The following KLHL29 variants were observed in gnomAD, a reference collection of about 807,000 sequenced individuals.
KLHL29 encodes the protein kelch like family member 29.
KLHL29 carries 21 observed loss-of-function variants against 80.4 expected under a neutral mutation model. The observed-to-expected ratio is 0.26, with a 90% CI of 0.19 to 0.38. KLHL29 has a LOEUF of 0.38. KLHL29 is among the 10% of genes least tolerant of loss of function. The probability of loss-of-function intolerance (pLI) is 1.00; values close to 1 mark genes in which losing one functional copy is unlikely to be tolerated. For synonymous variants in KLHL29, 511 were observed against 526.8 expected (o/e 0.97, Z 0.41); for missense variants, 867 against 1,223.9 (o/e 0.71, Z 4.35).
intron 3 of KLHL29, among the ~76,000 whole-genome samples, chr2:23,630,256 G>A (rs1035628288): frequency 1.5e-4 from 23 of 152,150 alleles, no homozygotes; most frequent in African/African-American, 3.1e-4. Context: ...GGCCGTGGCC[G>A]GTGTGCTTGC....
intron 3 of KLHL29, among the ~76,000 whole-genome samples, chr2:23,576,240 G>T (rs1453977808): frequency 6.6e-6 from 1 of 151,476 alleles, no homozygotes; most frequent in East Asian, 1.9e-4. Context: ...AGGAGGCAGA[G>T]GTTGCAGTGA....
At chr2:23,686,303 G>A (rs556082141) in intron 6 of KLHL29, among the ~76,000 whole-genome samples, 6 of 152,224 alleles carry the variant, frequency 3.9e-5, no homozygotes, top group African/African-American at 1.2e-4. Flanking sequence ...GATGTGTCTC[G>A]GTGGCCCTCA....
intron 1 of KLHL29, among the ~76,000 whole-genome samples, chr2:23,410,723 TGTG>T (rs1666841953): frequency 6.6e-6 from 1 of 152,070 alleles, no homozygotes; most frequent in African/African-American, 2.4e-5. Flanking sequence ...ACTTCCCAGG[TGTG>T]GAGGAGGGCA....
chr2:23,386,449 C>G (rs1023206512), intron 1 of KLHL29, among the ~76,000 whole-genome samples: 17 of 152,236 alleles, frequency 1.1e-4, no homozygotes, highest in Admixed American at 6.5e-5. Context: ...CGCACACTTC[C>G]CTTGACACCT....
chr2:23,574,193 C>T (rs1010761396), intron 3 of KLHL29, among the ~76,000 whole-genome samples: 4 of 152,136 alleles, frequency 2.6e-5, no homozygotes, highest in African/African-American at 9.7e-5. Flanking sequence ...GAAAAGGTCA[C>T]TGTGGTTATG....
At chr2:23,565,004 C>A (rs1188985867) in intron 3 of KLHL29, among the ~76,000 whole-genome samples, 2 of 152,198 alleles carry the variant, frequency 1.3e-5, no homozygotes, top group Non-Finnish European at 2.9e-5. Context: ...CTCTGGGCGT[C>A]ACTTCTGTAA....
intron 1 of KLHL29, among the ~76,000 whole-genome samples, chr2:23,400,844 G>A (rs1211618785): frequency 1.3e-5 from 2 of 152,170 alleles, no homozygotes; most frequent in Non-Finnish European, 2.9e-5. Context: ...TAAGTGGTAT[G>A]GGAGGGGGAA....
intron 1 of KLHL29, among the ~76,000 whole-genome samples, chr2:23,402,008 C>A (rs1372458010): frequency 6.6e-6 from 1 of 152,194 alleles, no homozygotes; most frequent in Non-Finnish European, 1.5e-5. Flanking sequence ...CTCTAAGGAT[C>A]TAGGCCAGTG....
rs1241660288 is a variant in KLHL29 at position 23,696,001 on chromosome 2, A to T, written c.1792A>T (p.Thr598Ser). 2 of 1,551,436 alleles carry T rather than the reference A, an allele frequency of 1.3e-6. No homozygotes were observed. The highest frequency in any genetic ancestry group is 1.7e-4 in the Middle Eastern group (1 of 6,014). Residue 598 changes from threonine to serine, a missense_variant, in exon 10 of 14, where the codon ACC becomes TCC. Transcript: ENST00000486442. This position sits in a 1 kb window ranked among gnomAD's most constrained non-coding sequence, Gnocchi z 5.5. ...TGGGGGCCGTCAGATGGTGGGGATG[A>T]CCCAGCGCTCGCTGGTGGCCGTCAC... ...LVGGRQMVGM[T>S]QRSLVAVTCW... is the part of the protein sequence containing the mutation.
In KLHL29 at chr2:23,631,539, G is replaced by A. The variant is rs552695192; in HGVS notation, c.286-7600G>A. ...GAGCGCATTATGGCAGGGCTCTGAA[G>A]GGGAGGCTGAGGGTGCAGGCCTGGG... is the stretch of plus-strand genomic sequence containing the variant. On this transcript the variant is annotated intron_variant, in intron 3 of 13. Transcript: ENST00000486442. 6.6e-5 allele frequency among the ~76,000 whole-genome samples: 10 copies of A among 152,090 alleles called. No homozygotes were observed. In the South Asian group the frequency reaches 2.1e-3, roughly 32 times the overall value.
intron 1 of KLHL29, among the ~76,000 whole-genome samples, chr2:23,394,939 G>T (rs1323319948): frequency 6.6e-6 from 1 of 152,214 alleles, no homozygotes; most frequent in Non-Finnish European, 1.5e-5. Context: ...GATTAAATGA[G>T]TTCCTGTTTG....
At chr2:23,386,079 G>A (rs1337334695) in intron 1 of KLHL29, among the ~76,000 whole-genome samples, 2 of 152,146 alleles carry the variant, frequency 1.3e-5, no homozygotes, top group Non-Finnish European at 2.9e-5. Context: ...GTTCGGAGGT[G>A]CTGGAGGCTT....
Position 23,691,728 on chromosome 2 carries a change from G to A in KLHL29, c.1134G>A (p.Ser378=), listed in dbSNP as rs367603944. 16 of 1,551,790 alleles carry A rather than the reference G, an allele frequency of 1.0e-5. No individual in the cohort carries two copies. The highest frequency in any genetic ancestry group is 1.2e-5 in the South Asian group (1 of 84,066). Residue 378 remains serine (S), a synonymous_variant, in exon 7 of 14, where the codon TCG becomes TCA. Coordinates refer to ENST00000486442, the MANE Select transcript of KLHL29 (RefSeq NM_052920.2). ...GGREKLELVL[S]NLQADVLELL... ...GGGAGAAGCTGGAGCTCGTCCTGTC[G>A]AACCTGCAGGCAGACGTCCTGGAGT... is the stretch of plus-strand genomic sequence containing the variant.
At chr2:23,586,646 C>T (rs934221005) in intron 3 of KLHL29, among the ~76,000 whole-genome samples, 1 of 152,164 alleles carries the variant, frequency 6.6e-6, no homozygotes, top group African/African-American at 2.4e-5. Context: ...CAGGCATGAG[C>T]CACCGCGCCC....
At chr2:23,511,562 G>A (rs1439132408) in intron 2 of KLHL29, among the ~76,000 whole-genome samples, 1 of 152,212 alleles carries the variant, frequency 6.6e-6, no homozygotes, top group Admixed American at 6.5e-5. Flanking sequence ...AGCTGTGTGT[G>A]AGGACAGGGA....
intron 1 of KLHL29, among the ~76,000 whole-genome samples, chr2:23,429,518 C>T (rs768678921): frequency 3.3e-5 from 5 of 152,146 alleles, no homozygotes; most frequent in East Asian, 1.9e-4. Flanking sequence ...TTTGGGAGGC[C>T]GAGGTGGGCG....
chr2:23,423,705 G>A (rs991695942), intron 1 of KLHL29, among the ~76,000 whole-genome samples: 2 of 152,142 alleles, frequency 1.3e-5, no homozygotes, highest in Non-Finnish European at 2.9e-5. Context: ...CAGGGGGTGC[G>A]GTGTGGGATC....
At chr2:23,459,613 C>A (rs1189359556) in intron 1 of KLHL29, among the ~76,000 whole-genome samples, 1 of 152,234 alleles carries the variant, frequency 6.6e-6, no homozygotes, top group African/African-American at 2.4e-5. Context: ...TCAAGCAAGA[C>A]TTGCATTCAG....
At chr2:23,498,822 A>G (rs767467060) in intron 2 of KLHL29, among the ~76,000 whole-genome samples, 30 of 152,344 alleles carry the variant, frequency 2.0e-4, no homozygotes, top group Admixed American at 1.1e-3. Flanking sequence ...GTGTAACCTT[A>G]GAAGATTCAA....
Sources: allele counts gnomAD v4.1 joint callset (sites outside exome capture counted in the v4.1 genomes callset), GRCh38; gene constraint gnomAD v4.1.1; non-coding constraint Gnocchi (gnomAD v3.1); transcripts MANE v1.5; gene names NCBI Gene and HGNC (gene_info 2026-07-23, HGNC 2026-07-21).